The following KCMF1 variants were observed in gnomAD, a reference collection of about 807,000 sequenced individuals.
KCMF1 encodes potassium channel modulatory factor 1, also known as E3 ubiquitin-protein ligase KCMF1.
KCMF1 carries 3 observed loss-of-function variants against 41.1 expected under a neutral mutation model. The ratio of observed to expected loss-of-function variants is 0.07; its 90% confidence interval spans 0.03 to 0.19. The LOEUF is 0.19. KCMF1 is among the 10% of genes least tolerant of loss of function. The pLI is 1.00. For synonymous variants in KCMF1, 142 were observed against 164.5 expected (o/e 0.86, Z 1.04); for missense variants, 286 against 488.9 (o/e 0.58, Z 3.91).
intron 1 of KCMF1, among the ~76,000 whole-genome samples, chr2:85,008,291 T>TATATATC (rs1553379311): frequency 0.074 from 1,070 of 14,524 alleles, 31 homozygotes; most frequent in African/African-American, 0.13. Context: ...TGATATATAA[T>TATATATC]ATATATAATA....
chr2:85,008,267 T>TG (rs1674526867), intron 1 of KCMF1, among the ~76,000 whole-genome samples: 1 of 107,884 alleles, frequency 9.3e-6, no homozygotes, highest in African/African-American at 3.5e-5. Context: ...ATATATCATA[T>TG]ATAATATATA....
chr2:85,020,737 G>A (rs894445990), intron 1 of KCMF1, among the ~76,000 whole-genome samples: 6 of 152,200 alleles, frequency 3.9e-5, no homozygotes, highest in Non-Finnish European at 7.3e-5. Context: ...TGACCTGGAA[G>A]CTATTTTGAA....
Position 85,056,419 on chromosome 2 carries a change from TA to T in KCMF1, c.*3012del, listed in dbSNP as rs1675932094. 6.6e-6 allele frequency: 1 copy of T among 152,078 alleles called. No individual in the cohort carries two copies. Among genetic ancestry groups the T allele is most frequent in the Non-Finnish European group, 1.5e-5 (1 of 68,008 alleles). 9.4% of individuals were successfully genotyped at this position (152,078 alleles called of 1,614,324 possible). ...TGTGGGCCACAGTTAAAAGAACGGG[TA>T]ACAGGTTCAGAGTTCTCTTGATACG... is the stretch of plus-strand genomic sequence containing the variant. On this transcript the variant is annotated 3_prime_UTR_variant, in exon 7 of 7. Transcript: ENST00000409785.
rs1301054742 is a variant in KCMF1 at position 85,008,287 on chromosome 2, A to G, written c.17-19602A>G. 2.8e-4 allele frequency among the ~76,000 whole-genome samples: 27 copies of G among 97,516 alleles called. No individual in the cohort carries two copies. In the East Asian group the frequency reaches 0.012, roughly 44 times the overall value. The allele number at this position is 97,516 out of a possible 152,430, so 64.0% of individuals were successfully genotyped here. On this transcript the variant is annotated intron_variant, in intron 1 of 6. Coordinates refer to ENST00000409785, the MANE Select transcript of KCMF1 (RefSeq NM_020122.5). The stretch of plus-strand genomic sequence containing the variant: ...TCATATATAATATATAATATGATAT[A>G]TAATATATATAATATATAATATGAT...
chr2:85,037,681 T>C (rs1195367277), intron 3 of KCMF1, among the ~76,000 whole-genome samples: 5 of 152,252 alleles, frequency 3.3e-5, no homozygotes, highest in Admixed American at 6.5e-5. Flanking sequence ...TATCTCCTTT[T>C]CTATTCCTCT....
intron 2 of KCMF1, among the ~76,000 whole-genome samples, chr2:85,029,295 T>C (rs1675201787): frequency 1.3e-5 from 2 of 151,900 alleles, no homozygotes; most frequent in South Asian, 4.2e-4. Context: ...AGAAAACAGA[T>C]TGTTGGCTGG....
intron 3 of KCMF1, among the ~76,000 whole-genome samples, chr2:85,040,115 C>T (rs943908014): frequency 1.3e-5 from 2 of 152,094 alleles, no homozygotes; most frequent in Admixed American, 6.6e-5. Context: ...TGCACCTGGC[C>T]CAGATGATTT....
rs184658805 is a variant in KCMF1, at chr2:85,028,344, G to C, written c.184+288G>C. 1.3e-5 allele frequency among the ~76,000 whole-genome samples: 2 copies of C among 151,860 alleles called. 1 individual carries two copies. Among genetic ancestry groups the C allele is most frequent in the East Asian group, 3.9e-4 (2 of 5,154 alleles). ...ATTACAGGTGCACACCACCACGCCT[G>C]GCTAATTTTTTTGTATTTTTAGTAG... On this transcript the variant is annotated intron_variant, in intron 2 of 6. Coordinates refer to ENST00000409785, the MANE Select transcript of KCMF1 (RefSeq NM_020122.5).
intron 1 of KCMF1, among the ~76,000 whole-genome samples, chr2:85,018,890 G>A (rs1023900674): frequency 6.1e-5 from 8 of 131,246 alleles, no homozygotes; most frequent in African/African-American, 1.2e-4. Context: ...CTGCAACCTC[G>A]ACCTCCCAGC....
chr2:85,010,947 A>T (rs571552511), intron 1 of KCMF1, among the ~76,000 whole-genome samples: 142 of 151,558 alleles, frequency 9.4e-4, no homozygotes, highest in Non-Finnish European at 1.6e-3. Context: ...GGGTTCAAGC[A>T]ATTCTTCTTC....
chr2:84,999,999 T>TA, intron 1 of KCMF1, among the ~76,000 whole-genome samples: 1 of 151,324 alleles, frequency 6.6e-6, no homozygotes, highest in Admixed American at 6.6e-5. Context: ...GAAACAGGAA[T>TA]AGATGTGTGG....
At chr2:85,006,295 C>CTTTTTTTTTTTTT (rs1163405427) in intron 1 of KCMF1, among the ~76,000 whole-genome samples, 3 of 94,210 alleles carry the variant, frequency 3.2e-5, no homozygotes, top group Non-Finnish European at 3.9e-5. Context: ...TTCTCATTTT[C>CTTTTTTTTTTTTT]TTTTTTTTTT....
chr2:85,044,435 T>C (rs3769766), intron 4 of KCMF1, among the ~76,000 whole-genome samples: 23,068 of 151,986 alleles, frequency 0.15, 2,669 homozygotes, highest in East Asian at 0.35. Flanking sequence ...AGTACAATGG[T>C]GCTATCTTCA....
intron 1 of KCMF1, among the ~76,000 whole-genome samples, chr2:84,979,270 T>C (rs537202993): frequency 8.5e-4 from 130 of 152,294 alleles, no homozygotes; most frequent in African/African-American, 2.9e-3. Flanking sequence ...GGCTTATGCC[T>C]GTAATCCCAT....
At chr2:85,009,671 T>C (rs952808324) in intron 1 of KCMF1, among the ~76,000 whole-genome samples, 2 of 152,206 alleles carry the variant, frequency 1.3e-5, no homozygotes, top group Admixed American at 6.6e-5. Flanking sequence ...CCCCTCTTCT[T>C]TCTTTTTTCT....
chr2:84,978,556 T>G (rs1300827781), intron 1 of KCMF1, among the ~76,000 whole-genome samples: 3 of 150,382 alleles, frequency 2.0e-5, no homozygotes, highest in Non-Finnish European at 3.0e-5. Context: ...TGTATTTGGG[T>G]TTTTTTTTGA....
chr2:85,002,290 C>T (rs1000039784), intron 1 of KCMF1, among the ~76,000 whole-genome samples: 2 of 152,130 alleles, frequency 1.3e-5, no homozygotes, highest in Admixed American at 6.6e-5. Flanking sequence ...TGCAGAAACC[C>T]TTTCAAAAGC....
chr2:85,042,207 C>T (rs1574040786), intron 3 of KCMF1, among the ~76,000 whole-genome samples: 1 of 152,204 alleles, frequency 6.6e-6, no homozygotes, highest in East Asian at 1.9e-4. Flanking sequence ...GGATATTTCT[C>T]AGAGTCCTGA....
At position 85,057,959 on chromosome 2, in the gene KCMF1, T is replaced by C. The variant is rs1337363491; in HGVS notation, c.*4550T>C. The C allele has an allele frequency of 3.9e-5, 6 of 152,374 alleles. No individual in the cohort carries two copies. Among genetic ancestry groups the C allele is most frequent in the South Asian group, 2.1e-4 (1 of 4,824 alleles). 9.4% of individuals were successfully genotyped at this position (152,374 alleles called of 1,614,324 possible). ...TGCTCTCAAGTCCTCATGTTAACTT[T>C]AGTAAGTCAGTTAACTTTACAGCAA... On this transcript the variant is annotated 3_prime_UTR_variant, in exon 7 of 7. Coordinates refer to ENST00000409785, the MANE Select transcript of KCMF1 (RefSeq NM_020122.5).
Sources: gnomAD v4.1 joint callset for allele counts (sites outside exome capture counted in the v4.1 genomes callset) on GRCh38, gnomAD v4.1.1 for gene constraint, MANE v1.5 for transcripts, NCBI Gene and HGNC (gene_info 2026-07-23, HGNC 2026-07-21) for gene names.